The following TMEM132B variants were observed in gnomAD, a reference collection of about 807,000 sequenced individuals.
TMEM132B encodes transmembrane protein 132B.
Under a neutral mutation model 90.8 loss-of-function variants are expected in TMEM132B, and 18 were observed. That is an observed-to-expected ratio of 0.20 (90% CI 0.14 to 0.29). The LOEUF (loss-of-function observed/expected upper bound fraction) is 0.29. Among genes scored for constraint, TMEM132B ranks in the 10% least tolerant of loss-of-function variants. TMEM132B has a pLI of 1.00. For missense variants in TMEM132B, 1,096 were observed against 1,326.8 expected (o/e 0.83, Z 2.70); for synonymous variants, 504 against 523.3 (o/e 0.96, Z 0.50).
intron 1 of TMEM132B, among the ~76,000 whole-genome samples, chr12:125,219,817 G>T (rs141441694): frequency 1.6e-3 from 247 of 152,298 alleles, no homozygotes; most frequent in African/African-American, 5.7e-3. Flanking sequence ...CATTCAGTGG[G>T]CACCCTAGGA....
At chr12:125,302,758 C>T (rs776043666) in intron 1 of TMEM132B, among the ~76,000 whole-genome samples, 2 of 152,174 alleles carry the variant, frequency 1.3e-5, no homozygotes, top group Non-Finnish European at 2.9e-5. Flanking sequence ...CAACAATCAC[C>T]TCTGTCTAGT....
At chr12:125,319,040 G>T (rs1876356203) in intron 1 of TMEM132B, among the ~76,000 whole-genome samples, 2 of 152,198 alleles carry the variant, frequency 1.3e-5, no homozygotes, top group African/African-American at 4.8e-5. Flanking sequence ...TTCAGGGCAG[G>T]TGGCCCAGTG....
Position 125,591,350 on chromosome 12 carries a change from C to T in TMEM132B, c.1437+7356C>T, listed in dbSNP as rs1179701992. On this transcript the variant is annotated intron_variant, in intron 5 of 8. Transcript: ENST00000682704. ...GTTTCTTGGCTGTGAAGCTGTGAACCCTTCCTCAATTTTCAAAGCCAGCAG... is the reference window on the plus strand; with the variant it reads ...GTTTCTTGGCTGTGAAGCTGTGAACTCTTCCTCAATTTTCAAAGCCAGCAG... Among the ~76,000 whole-genome samples the T allele has an allele frequency of 2.6e-5, 4 of 151,918 alleles. No homozygotes were observed. In the South Asian group the frequency reaches 8.3e-4, roughly 32 times the overall value.
intron 2 of TMEM132B, among the ~76,000 whole-genome samples, chr12:125,351,176 G>A (rs1008682202): frequency 6.6e-6 from 1 of 152,212 alleles, no homozygotes; most frequent in Non-Finnish European, 1.5e-5. Context: ...CATGGGCCAT[G>A]TAGTCTCTCT....
At chr12:125,339,166 C>G (rs1418205915) in intron 1 of TMEM132B, among the ~76,000 whole-genome samples, 1 of 152,108 alleles carries the variant, frequency 6.6e-6, no homozygotes, top group Non-Finnish European at 1.5e-5. Flanking sequence ...TGATAAAGAA[C>G]AATAATGCCT....
chr12:125,265,208 CTG>C (rs1874657763), intron 1 of TMEM132B, among the ~76,000 whole-genome samples: 1 of 152,178 alleles, frequency 6.6e-6, no homozygotes, highest in South Asian at 2.1e-4. Context: ...TGGTGCATGA[CTG>C]TATGTAGATA....
intron 1 of TMEM132B, among the ~76,000 whole-genome samples, chr12:125,229,905 A>C (rs761413782): frequency 1.3e-5 from 2 of 152,258 alleles, no homozygotes; most frequent in African/African-American, 4.8e-5. Context: ...ATTTCGTCTA[A>C]AGGGTCTCCC....
At chr12:125,414,759 G>T (rs1007505860) in intron 2 of TMEM132B, among the ~76,000 whole-genome samples, 1 of 152,192 alleles carries the variant, frequency 6.6e-6, no homozygotes, top group Non-Finnish European at 1.5e-5. Context: ...ACAGCATTGG[G>T]CCAAGTCCCC....
At chr12:125,295,513 T>TGAGAGAGAGA (rs1484830404) in intron 1 of TMEM132B, among the ~76,000 whole-genome samples, 3 of 100,446 alleles carry the variant, frequency 3.0e-5, no homozygotes, top group South Asian at 3.4e-4. Context: ...TGTGTGTGTG[T>TGAGAGAGAGA]GTGAGAGAGA....
At chr12:125,386,476 C>G (rs1238861718) in intron 2 of TMEM132B, among the ~76,000 whole-genome samples, 1 of 152,164 alleles carries the variant, frequency 6.6e-6, no homozygotes, top group Non-Finnish European at 1.5e-5. Context: ...GCAATGCCAG[C>G]TAATGAAAAA....
chr12:125,644,367 G>C, intron 6 of TMEM132B, 86 bp downstream of exon 6: 1 of 1,459,036 alleles, frequency 6.9e-7, no homozygotes, highest in Non-Finnish European at 9.3e-7. Flanking sequence ...AGGGACTCAA[G>C]CCATTGGGAA....
At chr12:125,576,062 T>C (rs1255234184) in intron 4 of TMEM132B, among the ~76,000 whole-genome samples, 1 of 152,106 alleles carries the variant, frequency 6.6e-6, no homozygotes, top group African/African-American at 2.4e-5. Context: ...ATATATTTAT[T>C]TGGGGAGTGT....
In TMEM132B at chr12:125,563,731, A is replaced by G. The variant is rs563861147; in HGVS notation, c.1294-20120A>G. Among the ~76,000 whole-genome samples the G allele has an allele frequency of 2.0e-5, 3 of 152,290 alleles. No homozygotes were observed. In the East Asian group the frequency reaches 5.8e-4, roughly 29 times the overall value. On this transcript the variant is annotated intron_variant, in intron 4 of 8. Coordinates refer to ENST00000682704, the MANE Select transcript of TMEM132B (RefSeq NM_001366854.1). ...GCATTTATGGTGGTACCTAAATCCAATAATTGATGTTCTTATCAGAAAAAA... is the reference window on the plus strand; with the variant it reads ...GCATTTATGGTGGTACCTAAATCCAGTAATTGATGTTCTTATCAGAAAAAA...
intron 1 of TMEM132B, among the ~76,000 whole-genome samples, chr12:125,298,790 G>A (rs1443896065): frequency 6.7e-6 from 1 of 148,640 alleles, no homozygotes; most frequent in Non-Finnish European, 1.5e-5. Flanking sequence ...CTGGAGTGCC[G>A]TGGCGCGATC....
rs1321175431 is a variant in TMEM132B at position 125,655,792 on chromosome 12, T to C, written c.*1082T>C. The C allele has an allele frequency of 1.0e-5, 1 of 95,642 alleles. No individual in the cohort carries two copies. The highest frequency in any genetic ancestry group is 4.0e-5 in the African/African-American group (1 of 24,838). 5.9% of individuals were successfully genotyped at this position (95,642 alleles called of 1,614,324 possible). On this transcript the variant is annotated 3_prime_UTR_variant, in exon 9 of 9. Transcript: ENST00000682704. ...ACTTTCCATTTTACCAGAACAAAAGTTTTTTTTTTTTTAAATAAGTAGAAT... is the reference window on the plus strand; with the variant it reads ...ACTTTCCATTTTACCAGAACAAAAGCTTTTTTTTTTTTAAATAAGTAGAAT...
At chr12:125,323,773 C>A (rs1399059461) in intron 1 of TMEM132B, among the ~76,000 whole-genome samples, 1 of 152,168 alleles carries the variant, frequency 6.6e-6, no homozygotes, top group African/African-American at 2.4e-5. Flanking sequence ...CCTGCCTTGG[C>A]CTTCCAAAGT....
rs2136562176 is a variant in TMEM132B, at chr12:125,492,586, C to T, written c.1107-26853C>T. ...CAGGACTCCTGGAGGCAGGTGCGTC[C>T]AGGGGCCCTGGGTGAGGAGGCTACG... On this transcript the variant is annotated intron_variant, in intron 3 of 8. Coordinates refer to ENST00000682704, the MANE Select transcript of TMEM132B (RefSeq NM_001366854.1). This position sits in a 1 kb window ranked among gnomAD's most constrained non-coding sequence, Gnocchi z 5.8. Among the ~76,000 whole-genome samples the T allele has an allele frequency of 6.6e-6, 1 of 152,246 alleles. No individual in the cohort carries two copies. The highest frequency in any genetic ancestry group is 1.9e-4 in the East Asian group (1 of 5,164).
intron 1 of TMEM132B, among the ~76,000 whole-genome samples, chr12:125,285,132 C>T (rs564829672): frequency 5.6e-4 from 85 of 152,318 alleles, no homozygotes; most frequent in African/African-American, 2.0e-3. Context: ...ATTGGACCAA[C>T]TTGTGTCATG....
At chr12:125,600,652 A>G (rs559340620) in intron 5 of TMEM132B, among the ~76,000 whole-genome samples, 2 of 152,328 alleles carry the variant, frequency 1.3e-5, no homozygotes, top group South Asian at 2.1e-4. Context: ...ACTTTGTTCA[A>G]TGTAATAAAT....
Sources: gnomAD v4.1 joint callset for allele counts (sites outside exome capture counted in the v4.1 genomes callset) on GRCh38, gnomAD v4.1.1 for gene constraint, Gnocchi (gnomAD v3.1) non-coding constraint, MANE v1.5 for transcripts, NCBI Gene and HGNC (gene_info 2026-07-23, HGNC 2026-07-21) for gene names.